Variants in RBFOX1 observed in about 807,000 individuals in gnomAD.
The protein encoded by RBFOX1 is RNA binding fox-1 homolog 1, also known as RNA binding protein fox-1 homolog 1.
RBFOX1 carries 8 observed loss-of-function variants against 57.7 expected under a neutral mutation model. That is an observed-to-expected ratio of 0.14 (90% CI 0.08 to 0.25). RBFOX1 has a LOEUF of 0.25. RBFOX1 is among the 10% of genes least tolerant of loss of function. The probability of loss-of-function intolerance (pLI) is 1.00; values close to 1 mark genes in which losing one functional copy is unlikely to be tolerated. For missense variants in RBFOX1, 611 were observed against 548.5 expected (o/e 1.11, Z -1.14); for synonymous variants, 326 against 222.4 (o/e 1.47, Z -4.15).
chr16:6,042,081 C>T (rs1016348449), intron 1 of RBFOX1, among the ~76,000 whole-genome samples: 8 of 151,366 alleles, frequency 5.3e-5, no homozygotes, highest in Non-Finnish European at 8.8e-5. Flanking sequence ...TCCACAGTCT[C>T]ATCTCCTGGA....
intron 4 of RBFOX1, among the ~76,000 whole-genome samples, chr16:7,261,950 G>C (rs570759883): frequency 6.6e-5 from 10 of 152,298 alleles, no homozygotes; most frequent in African/African-American, 2.4e-4. Context: ...TAGTTAAGGG[G>C]TGGTAGGGTG....
chr16:6,644,385 C>T (rs904429272), intron 2 of RBFOX1, among the ~76,000 whole-genome samples: 9 of 152,112 alleles, frequency 5.9e-5, no homozygotes, highest in Non-Finnish European at 7.4e-5. Context: ...TATTATAAAC[C>T]GTTCTGCTAT....
chr16:5,484,659 T>C (rs1484045477), intron 2 of RBFOX1, among the ~76,000 whole-genome samples: 1 of 152,118 alleles, frequency 6.6e-6, no homozygotes, highest in African/African-American at 2.4e-5. Flanking sequence ...ACACCTGTAA[T>C]TCCAGCACTT....
chr16:5,663,737 C>T (rs1385579605), intron 3 of RBFOX1, among the ~76,000 whole-genome samples: 1 of 152,210 alleles, frequency 6.6e-6, no homozygotes, highest in African/African-American at 2.4e-5. Context: ...GTGGAAGCAA[C>T]AGGAAAGCTG....
intron 3 of RBFOX1, among the ~76,000 whole-genome samples, chr16:6,918,505 C>T (rs1038664436): frequency 2.0e-5 from 3 of 152,124 alleles, no homozygotes; most frequent in East Asian, 1.9e-4. Context: ...TAATGTCTGC[C>T]TGGGCCCTAA....
intron 4 of RBFOX1, among the ~76,000 whole-genome samples, chr16:7,195,854 G>A (rs565744106): frequency 2.5e-4 from 38 of 152,128 alleles, no homozygotes; most frequent in African/African-American, 7.0e-4. Flanking sequence ...TGCCCAGCTC[G>A]ATGCTCATAA....
intron 3 of RBFOX1, among the ~76,000 whole-genome samples, chr16:6,906,248 C>CCCA (rs1555608862): frequency 1.3e-5 from 2 of 151,806 alleles, no homozygotes; most frequent in African/African-American, 4.9e-5. Flanking sequence ...TACCCCCCCC[C>CCCA]AAAATATACA....
At chr16:5,659,858 C>A (rs576636513) in intron 3 of RBFOX1, among the ~76,000 whole-genome samples, 1 of 152,188 alleles carries the variant, frequency 6.6e-6, no homozygotes, top group Non-Finnish European at 1.5e-5. Flanking sequence ...TGCAGGTATC[C>A]CCAAATACTA....
At chr16:7,378,503 C>T (rs1318807320) in intron 4 of RBFOX1, among the ~76,000 whole-genome samples, 1 of 152,050 alleles carries the variant, frequency 6.6e-6, no homozygotes. Context: ...ACATTTCTGT[C>T]TTGGGTGATT....
intron 13 of RBFOX1, among the ~76,000 whole-genome samples, chr16:7,666,334 T>C (rs1425720732): frequency 6.6e-6 from 1 of 151,706 alleles, no homozygotes; most frequent in Non-Finnish European, 1.5e-5. Context: ...GATAGAGAAA[T>C]GGTTTTTTAA....
intron 1 of RBFOX1, among the ~76,000 whole-genome samples, chr16:6,315,081 T>C (rs1867158969): frequency 6.6e-6 from 1 of 152,248 alleles, no homozygotes; most frequent in Non-Finnish European, 1.5e-5. Context: ...AAGCACCGAC[T>C]TTGTGCTAAG....
At chr16:6,483,916 T>G in intron 2 of RBFOX1, 1 of 1,087,996 alleles carries the variant, frequency 9.2e-7, no homozygotes, top group Admixed American at 4.6e-5. Context: ...TGGGACGCGG[T>G]ATGTAAGCCG....
chr16:7,283,162 T>G (rs980126497), intron 4 of RBFOX1, among the ~76,000 whole-genome samples: 1 of 152,114 alleles, frequency 6.6e-6, no homozygotes, highest in Non-Finnish European at 1.5e-5. Flanking sequence ...TTTAGGTCTT[T>G]AAGGAATCTC....
chr16:7,062,803 C>A (rs2153749061), intron 4 of RBFOX1, among the ~76,000 whole-genome samples: 1 of 150,972 alleles, frequency 6.6e-6, no homozygotes, highest in Non-Finnish European at 1.5e-5. Flanking sequence ...GGCTAGACCT[C>A]AGATTCACCC....
At chr16:6,064,907 A>C (rs1049309108) in intron 1 of RBFOX1, among the ~76,000 whole-genome samples, 1 of 152,062 alleles carries the variant, frequency 6.6e-6, no homozygotes, top group Non-Finnish European at 1.5e-5. Flanking sequence ...TTCAGATCTC[A>C]AGACATGGAG....
At chr16:5,665,723 T>A (rs1414075265) in intron 3 of RBFOX1, among the ~76,000 whole-genome samples, 1 of 152,226 alleles carries the variant, frequency 6.6e-6, no homozygotes, top group Non-Finnish European at 1.5e-5. Flanking sequence ...TGTCCTGATC[T>A]TAGCACAGAT....
At chr16:7,566,060 G>A (rs1421041061) in intron 5 of RBFOX1, among the ~76,000 whole-genome samples, 3 of 152,194 alleles carry the variant, frequency 2.0e-5, no homozygotes, top group Admixed American at 1.3e-4. Context: ...ATCTGATACA[G>A]TGTTTATCCA....
At chr16:6,889,039 T>C (rs2064811382) in intron 3 of RBFOX1, among the ~76,000 whole-genome samples, 1 of 152,200 alleles carries the variant, frequency 6.6e-6, no homozygotes, top group Non-Finnish European at 1.5e-5. Context: ...TTGCATGTGT[T>C]CTCAAATTTG....
chr16:7,053,594 C>G (rs1447496823), intron 4 of RBFOX1, among the ~76,000 whole-genome samples: 1 of 152,306 alleles, frequency 6.6e-6, no homozygotes, highest in Non-Finnish European at 1.5e-5. Context: ...GCAAATGACA[C>G]TTGCTTGGCA....
Sources: allele counts gnomAD v4.1 joint callset (sites outside exome capture counted in the v4.1 genomes callset), GRCh38; gene constraint gnomAD v4.1.1; transcripts MANE v1.5; gene names NCBI Gene and HGNC (gene_info 2026-07-23, HGNC 2026-07-21).